The following XPOT variants were observed in gnomAD, a reference collection of about 807,000 sequenced individuals.
XPOT encodes the protein exportin for tRNA.
A neutral mutation model predicts 128.2 loss-of-function variants in XPOT; 34 were observed. The ratio of observed to expected loss-of-function variants is 0.27; its 90% CI spans 0.20 to 0.35. The LOEUF is 0.35. Ranked by LOEUF, XPOT falls within the 10% of genes least tolerant of loss-of-function variation. XPOT has a pLI of 1.00. For synonymous variants in XPOT, 348 were observed against 394.3 expected, an observed-to-expected ratio of 0.88 and a Z score of 1.39; for missense variants, 838 against 1,125.3, an observed-to-expected ratio of 0.74 and a Z score of 3.65.
At chr12:64,413,805 C>T (rs1379208340) in intron 2 of XPOT, among the ~76,000 whole-genome samples, 3 of 152,158 alleles carry the variant, frequency 2.0e-5, no homozygotes, top group African/African-American at 4.8e-5. Flanking sequence ...AAACAAGTTA[C>T]AGAAAGTAAT....
chr12:64,419,108 C>T lies in XPOT; in HGVS notation c.489+14C>T, dbSNP rs1157867801. On this transcript the variant is annotated intron_variant, in intron 6 of 24. Transcript: ENST00000332707. ...CATACATCAGAGGCAAGTAACTAAC[C>T]ATGAATTTTTTATATTTAATGTAAG... 1 of 1,598,694 alleles carries T rather than the reference C, an allele frequency of 6.3e-7. No homozygotes were observed. The highest frequency in any genetic ancestry group is 8.5e-7 in the Non-Finnish European group (1 of 1,171,358).
intron 23 of XPOT, among the ~76,000 whole-genome samples, 186 bp downstream of exon 23, chr12:64,439,501 C>G (rs866255384): frequency 1.3e-5 from 2 of 152,200 alleles, no homozygotes; most frequent in African/African-American, 4.8e-5. Context: ...ATCACTACAC[C>G]TTGTTACCCA....
rs1488730050 is a variant in XPOT at position 64,449,813 on chromosome 12, T to C, written c.*1682T>C. ...ACTATAGGAGTGATAATTGCAGCTA[T>C]TGCAATAGTAGTAATTGTTAAATGG... is the stretch of plus-strand genomic sequence containing the variant. On this transcript the variant is annotated 3_prime_UTR_variant, in exon 25 of 25. Transcript: ENST00000332707. 1 of 152,244 alleles carries C rather than the reference T, an allele frequency of 6.6e-6. No homozygotes were observed. Among genetic ancestry groups the C allele is most frequent in the South Asian group, 2.1e-4 (1 of 4,836 alleles). The allele number at this position is 152,244 out of a possible 1,614,324, so 9.4% of individuals were successfully genotyped here. A position where few individuals can be genotyped will look rare whatever the true frequency, so the allele number is the denominator to read the frequency against.
At chr12:64,412,446 A>G (rs1308365733) in intron 2 of XPOT, among the ~76,000 whole-genome samples, 2 of 152,174 alleles carry the variant, frequency 1.3e-5, no homozygotes, top group Non-Finnish European at 2.9e-5. Context: ...TGTAAGTGAA[A>G]TATTAGGTGG....
intron 7 of XPOT, 28 bp from the exon 8 acceptor site, chr12:64,420,325 T>C (rs2040126719): frequency 6.2e-7 from 1 of 1,602,890 alleles, no homozygotes; most frequent in Non-Finnish European, 8.5e-7. Flanking sequence ...ACTTTGAAAA[T>C]GTTACAATTT....
chr12:64,448,414 A>G lies in XPOT; in HGVS notation c.*283A>G, dbSNP rs1377683615. ...TTAATTCTTTTTTATTTGAAATTTT[A>G]AGTCAAGTCCTTTATAAAGACCATA... On this transcript the variant is annotated 3_prime_UTR_variant, in exon 25 of 25. Coordinates refer to ENST00000332707, the MANE Select transcript of XPOT (RefSeq NM_007235.6). The G allele has an allele frequency of 5.6e-6, 2 of 356,052 alleles. No homozygotes were observed. Among genetic ancestry groups the G allele is most frequent in the Non-Finnish European group, 1.0e-5 (2 of 196,086 alleles). The allele number at this position is 356,052 out of a possible 1,614,324, so 22.1% of individuals were successfully genotyped here.
At position 64,425,019 on chromosome 12, in the gene XPOT, A is replaced by C. The variant is rs2040177436; in HGVS notation, c.1308-19A>C. 6.2e-7 allele frequency: 1 copy of C among 1,611,654 alleles called. No individual in the cohort carries two copies. The highest frequency in any genetic ancestry group is 8.5e-7 in the Non-Finnish European group (1 of 1,179,608). Reference sequence around the variant, plus strand: ...AAAAATTTATCTTTAAATCTCACTGACATATTATACCTTGGTAGGAATTGG... The same window carrying C: ...AAAAATTTATCTTTAAATCTCACTGCCATATTATACCTTGGTAGGAATTGG... On this transcript the variant is annotated intron_variant, in intron 12 of 24. Coordinates refer to ENST00000332707, the MANE Select transcript of XPOT (RefSeq NM_007235.6).
At chr12:64,412,693 A>G (rs948507392) in intron 2 of XPOT, among the ~76,000 whole-genome samples, 1 of 152,214 alleles carries the variant, frequency 6.6e-6, no homozygotes, top group Non-Finnish European at 1.5e-5. Flanking sequence ...GGTGTCCTAC[A>G]AATCAATTCA....
rs2040022871 is a variant in XPOT at position 64,410,044 on chromosome 12, A to G, written c.9A>G (p.Glu3=). MD[E]QALLGLNPNA... ...CAAGTATAACAGCGAGGATGGATGA[A>G]CAGGCTCTATTAGGGCTAAATCCAA... The change falls in exon 2 of 25, where the codon GAA becomes GAG. Residue 3 remains glutamate (E), a synonymous_variant. Transcript: ENST00000332707. 2 of 1,613,884 alleles carry G rather than the reference A, an allele frequency of 1.2e-6. No individual in the cohort carries two copies. Among genetic ancestry groups the G allele is most frequent in the African/African-American group, 1.3e-5 (1 of 75,058 alleles).
Position 64,425,468 on chromosome 12 carries a change from T to C in XPOT, c.1572+11T>C, listed in dbSNP as rs1386368833. 1 of 1,611,824 alleles carries C rather than the reference T, an allele frequency of 6.2e-7. No individual in the cohort carries two copies. The highest frequency in any genetic ancestry group is 2.2e-5 in the East Asian group (1 of 44,852). ...ATTCCATGTGTACTAGTAAGTACTC[T>C]GGATTTTTGTTACTTTCCATGGGTT... is the stretch of plus-strand genomic sequence containing the variant. On this transcript the variant is annotated intron_variant, in intron 14 of 24. Transcript: ENST00000332707.
rs116794119 is a variant in XPOT, at chr12:64,420,962, G to A, written c.844-273G>A. ...ATTACAGGCGCATGCCACTACACCC[G>A]GCAAATTTTTTACCTTTTTGGTAGA... On this transcript the variant is annotated intron_variant, in intron 8 of 24. Transcript: ENST00000332707. Among the ~76,000 whole-genome samples the A allele has an allele frequency of 9.8e-3, 1,489 of 152,124 alleles. 20 individuals carry two copies. Among genetic ancestry groups the A allele is most frequent in the African/African-American group, 0.034 (1,395 of 41,526 alleles).
intron 24 of XPOT, among the ~76,000 whole-genome samples, chr12:64,445,418 AG>A (rs1210659567): frequency 3.9e-5 from 6 of 152,244 alleles, no homozygotes; most frequent in African/African-American, 1.4e-4. Context: ...GTTGAAAAGA[AG>A]GGGCTAAAAA....
intron 23 of XPOT, among the ~76,000 whole-genome samples, chr12:64,440,143 A>G (rs1157199763): frequency 1.3e-5 from 2 of 152,110 alleles, no homozygotes; most frequent in Admixed American, 6.6e-5. Flanking sequence ...CACAGCCCCC[A>G]TCTCCTAGAA....
At position 64,416,740 on chromosome 12, in the gene XPOT, T is replaced by C; in HGVS notation, c.186T>C (p.His62=). 1 of 1,613,342 alleles carries C rather than the reference T, an allele frequency of 6.2e-7. No homozygotes were observed. The highest frequency in any genetic ancestry group is 8.5e-7 in the Non-Finnish European group (1 of 1,179,636). ...TTTTCTGCTTTCAAGTACTGGAACA[T>C]CAAGTTAAATACAAGTAAGGCTTTT... ...VKFFCFQVLE[H]QVKYKYSELT... is the part of the protein sequence containing the mutation. Residue 62 remains histidine (H), a synonymous_variant, in exon 4 of 25, where the codon CAT becomes CAC. Transcript: ENST00000332707.
rs909279943 is a variant in XPOT at position 64,423,328 on chromosome 12, G to A, written c.1182+84G>A. 12 of 957,480 alleles carry A rather than the reference G, an allele frequency of 1.3e-5. No individual in the cohort carries two copies. In the Admixed American group the frequency reaches 1.6e-4, roughly 13 times the overall value. The allele number at this position is 957,480 out of a possible 1,614,324, so 59.3% of individuals were successfully genotyped here. A position where few individuals can be genotyped will look rare whatever the true frequency, so the allele number is the denominator to read the frequency against. The stretch of plus-strand genomic sequence containing the variant: ...AATATTTCAAGTTCTTATTGTTTCG[G>A]GGCCCTTTAAAACATGAAGTTCTTG... On this transcript the variant is annotated intron_variant, in intron 11 of 24. Transcript: ENST00000332707.
At chr12:64,436,868 C>G (rs2040286920) in intron 22 of XPOT, among the ~76,000 whole-genome samples, 1 of 152,214 alleles carries the variant, frequency 6.6e-6, no homozygotes, top group Non-Finnish European at 1.5e-5. Context: ...CCATGCCCAG[C>G]TGATTCTGGG....
In XPOT at chr12:64,433,571, G is replaced by T; in HGVS notation, c.2420G>T (p.Gly807Val). Residue 807 changes from glycine to valine, a missense_variant, in exon 19 of 25, where the codon GGC becomes GTC. By Grantham distance (109) the Gly-to-Val change is moderately radical. Around this residue, in one of 3 missense-constraint regions of XPOT, gnomAD observed 761 missense variants for 988.3 expected, o/e 0.77. Coordinates refer to ENST00000332707, the MANE Select transcript of XPOT (RefSeq NM_007235.6). Reference sequence around the variant, plus strand: ...TTTGCTTTCCTGCAAACAGTCACAGGCAGTGGGATGAGCGAAGTTATAGCA... The same window carrying T: ...TTTGCTTTCCTGCAAACAGTCACAGTCAGTGGGATGAGCGAAGTTATAGCA... ...SYFAFLQTVT[G>V]SGMSEVIANQ... The T allele has an allele frequency of 6.2e-7, 1 of 1,608,860 alleles. No homozygotes were observed. Among genetic ancestry groups the T allele is most frequent in the Non-Finnish European group, 8.5e-7 (1 of 1,177,030 alleles).
At chr12:64,440,982 A>G (rs1389528258) in intron 23 of XPOT, among the ~76,000 whole-genome samples, 1 of 152,190 alleles carries the variant, frequency 6.6e-6, no homozygotes, top group Non-Finnish European at 1.5e-5. Context: ...CCACTAATGT[A>G]GCTTTTCGTG....
chr12:64,429,733 A>G (rs764112544), intron 16 of XPOT, among the ~76,000 whole-genome samples: 5 of 152,164 alleles, frequency 3.3e-5, no homozygotes, highest in Non-Finnish European at 1.5e-5. Flanking sequence ...GAACCACCAC[A>G]TGCAGCCTAG....
Sources: gnomAD v4.1 joint callset for allele counts (sites outside exome capture counted in the v4.1 genomes callset) on GRCh38, gnomAD v4.1.1 for gene constraint, gnomAD v4.1.1 regional missense constraint, MANE v1.5 for transcripts, NCBI Gene and HGNC (gene_info 2026-07-23, HGNC 2026-07-21) for gene names.